The following MDGA2 variants were observed in gnomAD, a reference collection of about 807,000 sequenced individuals.
MDGA2 encodes the protein MAM domain-containing glycosylphosphatidylinositol anchor protein 2.
Under a neutral mutation model 117.8 loss-of-function variants are expected in MDGA2, and 40 were observed. The ratio of observed to expected loss-of-function variants is 0.34; its 90% CI spans 0.26 to 0.44. The LOEUF is 0.44. Ranked by LOEUF, MDGA2 falls within the 20% of genes least tolerant of loss-of-function variation. The pLI, the probability that MDGA2 is intolerant of heterozygous loss-of-function variation, is 1.00. For missense variants in MDGA2, 1,123 were observed against 1,250.6 expected, an observed-to-expected ratio of 0.90 and a Z score of 1.54; for synonymous variants, 452 against 439.0, an observed-to-expected ratio of 1.03 and a Z score of -0.37.
intron 14 of MDGA2, among the ~76,000 whole-genome samples, chr14:46,856,417 T>C (rs1881271245): frequency 6.6e-6 from 1 of 152,098 alleles, no homozygotes; most frequent in Non-Finnish European, 1.5e-5. Context: ...AACATTTCCA[T>C]TTCCTCAAAC....
At chr14:47,408,169 C>T (rs544205130) in intron 1 of MDGA2, among the ~76,000 whole-genome samples, 1 of 150,424 alleles carries the variant, frequency 6.6e-6, no homozygotes, top group South Asian at 2.1e-4. Context: ...AATTCTCCTG[C>T]CTCAGCCTCC....
At chr14:46,968,208 G>T (rs1385338037) in intron 8 of MDGA2, among the ~76,000 whole-genome samples, 1 of 152,142 alleles carries the variant, frequency 6.6e-6, no homozygotes, top group Non-Finnish European at 1.5e-5. Context: ...TGCTGATGCT[G>T]CAGGCTATTA....
intron 1 of MDGA2, among the ~76,000 whole-genome samples, chr14:47,484,625 G>A (rs944722736): frequency 2.0e-5 from 3 of 152,132 alleles, no homozygotes; most frequent in Non-Finnish European, 4.4e-5. Context: ...CAGTGATATG[G>A]TTTGCATCTC....
intron 9 of MDGA2, among the ~76,000 whole-genome samples, chr14:46,921,450 A>T (rs1022215740): frequency 1.1e-5 from 1 of 92,730 alleles, no homozygotes; most frequent in Non-Finnish European, 2.2e-5. Context: ...CCAGAAAAAG[A>T]AAAAAAAAAA....
At chr14:47,327,305 T>G (rs1240575224) in intron 1 of MDGA2, among the ~76,000 whole-genome samples, 1 of 152,128 alleles carries the variant, frequency 6.6e-6, no homozygotes, top group Non-Finnish European at 1.5e-5. Context: ...GTAGACAGGG[T>G]TAGAGAGTGA....
intron 7 of MDGA2, chr14:47,058,708 G>C: frequency 1.0e-6 from 1 of 985,212 alleles, no homozygotes; most frequent in Non-Finnish European, 1.2e-6. Flanking sequence ...CCACTCTATT[G>C]TAAGCAAATT....
intron 3 of MDGA2, among the ~76,000 whole-genome samples, chr14:47,210,297 G>A (rs1160449547): frequency 6.6e-6 from 1 of 152,094 alleles, no homozygotes; most frequent in East Asian, 1.9e-4. Context: ...AATGGATATT[G>A]GAAAAGATTT....
At chr14:47,254,088 C>T (rs2139650428) in intron 2 of MDGA2, among the ~76,000 whole-genome samples, 1 of 152,266 alleles carries the variant, frequency 6.6e-6, no homozygotes, top group South Asian at 2.1e-4. Context: ...GGCCCTGGGC[C>T]TGCCCCACAC....
At chr14:47,359,823 G>T (rs564703587) in intron 1 of MDGA2, among the ~76,000 whole-genome samples, 2 of 151,592 alleles carry the variant, frequency 1.3e-5, no homozygotes, top group Admixed American at 6.6e-5. Context: ...CTTAGCAATG[G>T]TTTTTTGGGT....
chr14:46,993,459 G>T (rs913580077), intron 8 of MDGA2, among the ~76,000 whole-genome samples: 10 of 84,546 alleles, frequency 1.2e-4, no homozygotes, highest in African/African-American at 3.4e-4. Context: ...CTATTTTTTT[G>T]GGGGGGACTT....
At chr14:47,225,201 T>G (rs921880747) in intron 2 of MDGA2, among the ~76,000 whole-genome samples, 13 of 152,016 alleles carry the variant, frequency 8.6e-5, no homozygotes, top group Admixed American at 2.6e-4. Flanking sequence ...GGAACACTTT[T>G]ACACTGTTGG....
chr14:47,190,457 G>A (rs188933493), intron 3 of MDGA2, among the ~76,000 whole-genome samples: 19 of 152,166 alleles, frequency 1.2e-4, no homozygotes, highest in Admixed American at 4.6e-4. Context: ...TATAATCTCC[G>A]GAGGAAATAT....
intron 3 of MDGA2, chr14:47,200,931 C>G (rs927004756): frequency 1.9e-5 from 16 of 833,842 alleles, no homozygotes; most frequent in Middle Eastern, 3.3e-4. Context: ...GGCAGCAAGC[C>G]TCGCTCGGTC....
At chr14:47,118,005 A>G (rs1047300334) in intron 5 of MDGA2, among the ~76,000 whole-genome samples, 4 of 152,216 alleles carry the variant, frequency 2.6e-5, no homozygotes, top group Non-Finnish European at 4.4e-5. Flanking sequence ...TGCAGTTAGA[A>G]GCCAATTTAC....
At position 47,244,687 on chromosome 14, in the gene MDGA2, C is replaced by T. The variant is rs1002252858; in HGVS notation, c.421-26492G>A. On this transcript the variant is annotated intron_variant, in intron 2 of 16. Transcript: ENST00000399232. ...TGTTGTCTAGGTTATAGTACACAGACCAGCTGGTATTTTTCAATGACATGA... is the reference window on the plus strand; with the variant it reads ...TGTTGTCTAGGTTATAGTACACAGATCAGCTGGTATTTTTCAATGACATGA... Among the ~76,000 whole-genome samples, 3 of 151,734 alleles carry T rather than the reference C, an allele frequency of 2.0e-5. 1 individual carries two copies. Among genetic ancestry groups the T allele is most frequent in the Admixed American group, 2.0e-4 (3 of 15,224 alleles).
chr14:47,512,652 C>G (rs1185430204), intron 1 of MDGA2, among the ~76,000 whole-genome samples: 1 of 152,068 alleles, frequency 6.6e-6, no homozygotes, highest in East Asian at 1.9e-4. Flanking sequence ...ATCCACAGTT[C>G]AATGATTTTC....
intron 3 of MDGA2, among the ~76,000 whole-genome samples, chr14:47,194,126 T>G (rs1041598283): frequency 1.3e-5 from 2 of 152,172 alleles, no homozygotes; most frequent in African/African-American, 4.8e-5. Context: ...AATCACATTC[T>G]AATAATAGTG....
chr14:47,654,483 C>T lies in MDGA2; in HGVS notation c.280+20034G>A, dbSNP rs950986. 7.7e-3 allele frequency among the ~76,000 whole-genome samples: 1,177 copies of T among 152,194 alleles called. 56 individuals carry two copies. Among genetic ancestry groups the T allele is most frequent in the Admixed American group, 0.071 (1,079 of 15,248 alleles). On this transcript the variant is annotated intron_variant, in intron 1 of 16. Coordinates refer to ENST00000399232, the MANE Select transcript of MDGA2 (RefSeq NM_001113498.3). ...CGGTAAGTCACAACTGGCTGAAGTGCTAACCCTTCAAAAGGAGGACAGGGA... is the reference window on the plus strand; with the variant it reads ...CGGTAAGTCACAACTGGCTGAAGTGTTAACCCTTCAAAAGGAGGACAGGGA...
chr14:47,106,697 C>G (rs1277016372), intron 5 of MDGA2, among the ~76,000 whole-genome samples: 1 of 151,964 alleles, frequency 6.6e-6, no homozygotes, highest in African/African-American at 2.4e-5. Flanking sequence ...TAGACCATCA[C>G]AGACGCCGAG....
Sources: allele counts gnomAD v4.1 joint callset (sites outside exome capture counted in the v4.1 genomes callset), GRCh38; gene constraint gnomAD v4.1.1; transcripts MANE v1.5; gene names NCBI Gene and HGNC (gene_info 2026-07-23, HGNC 2026-07-21).